The following ARHGEF9 variants were observed in gnomAD, a reference collection of about 807,000 sequenced individuals.
The protein encoded by ARHGEF9 is rho guanine nucleotide exchange factor 9.
Under a neutral mutation model 41.3 loss-of-function variants are expected in ARHGEF9, and 2 were observed. That is an observed-to-expected ratio of 0.05 (90% confidence interval 0.02 to 0.15). ARHGEF9 has a LOEUF of 0.15. ARHGEF9 is among the 10% of genes least tolerant of loss of function. The pLI is 1.00. For synonymous variants in ARHGEF9, 160 were observed against 154.4 expected (o/e 1.04, Z -0.27); for missense variants, 225 against 424.7 (o/e 0.53, Z 4.13).
At chrX:63,647,313 T>G (rs782232456) in intron 8 of ARHGEF9, among the ~76,000 whole-genome samples, 1 of 112,045 alleles carries the variant, frequency 8.9e-6, no homozygotes, top group African/African-American at 3.2e-5. Flanking sequence ...TGTGCCAGTT[T>G]TCAAAGGGAA....
At chrX:63,642,101 T>C in intron 9 of ARHGEF9, 1 of 111,378 alleles carries the variant, frequency 9.0e-6, no homozygotes, top group Non-Finnish European at 1.9e-5. Flanking sequence ...CTCATATATA[T>C]ATATATGTCT....
intron 1 of ARHGEF9, chrX:63,732,158 C>A (rs1474389720): frequency 8.9e-6 from 1 of 111,918 alleles, no homozygotes; most frequent in African/African-American, 3.3e-5. Context: ...CCCTTGACTG[C>A]CGCATTCAAA....
intron 1 of ARHGEF9, among the ~76,000 whole-genome samples, chrX:63,732,926 G>A (rs782056219): frequency 3.6e-5 from 4 of 111,600 alleles, no homozygotes; most frequent in East Asian, 2.8e-4. Context: ...GATTGTGGCC[G>A]ACCTACTCCG....
In ARHGEF9 at chrX:63,706,404, C is replaced by A. The variant is rs1556402053; in HGVS notation, c.256G>T (p.Val86Leu). Reference protein sequence around the residue: ...EDEVEEGPSDVQNGHLDPNSD... With the variant: ...EDEVEEGPSDLQNGHLDPNSD... ...TTGGGGTCCAGGTGTCCGTTCTGCACATCGCTGGGCCCCTCCTCCACCTCA... is the reference window on the plus strand; with the variant it reads ...TTGGGGTCCAGGTGTCCGTTCTGCAAATCGCTGGGCCCCTCCTCCACCTCA... Residue 86 changes from valine (V) to leucine (L), a missense_variant, in exon 3 of 10, where the codon GTG becomes TTG. Transcript: ENST00000671741. The A allele has an allele frequency of 8.3e-7, 1 of 1,207,210 alleles. No homozygotes were observed. The highest frequency in any genetic ancestry group is 1.7e-5 in the African/African-American group (1 of 57,617).
At chrX:63,745,115 G>A (rs782219453) in intron 1 of ARHGEF9, among the ~76,000 whole-genome samples, 1 of 83,455 alleles carries the variant, frequency 1.2e-5, no homozygotes. Flanking sequence ...ACACTCTGAG[G>A]GGGTGGGGGG....
chrX:63,713,701 TACACACACACAC>T (rs59012226), intron 2 of ARHGEF9, among the ~76,000 whole-genome samples: 1 of 94,290 alleles, frequency 1.1e-5, no homozygotes, highest in East Asian at 3.4e-4. Context: ...CCACTTCACA[TACACACACACAC>T]ACACACACAC....
chrX:63,665,298 C>T (rs2049460588), intron 7 of ARHGEF9, among the ~76,000 whole-genome samples: 1 of 112,538 alleles, frequency 8.9e-6, no homozygotes, highest in African/African-American at 3.2e-5. Flanking sequence ...AGTAAGACCT[C>T]TCCTCTAATG....
chrX:63,650,143 G>C (rs1414322015), intron 8 of ARHGEF9, among the ~76,000 whole-genome samples: 3 of 111,274 alleles, frequency 2.7e-5, no homozygotes, highest in African/African-American at 9.8e-5. Context: ...ATTAAAAATA[G>C]AACTACTATA....
At chrX:63,754,692 G>T (rs1334603454) in intron 1 of ARHGEF9, 7 of 956,381 alleles carry the variant, frequency 7.3e-6, no homozygotes, top group Non-Finnish European at 9.1e-6. Context: ...AAGGAGAGGA[G>T]GAAGTAGGGT....
chrX:63,695,408 T>A (rs1487799060), intron 4 of ARHGEF9, among the ~76,000 whole-genome samples: 1 of 111,966 alleles, frequency 8.9e-6, no homozygotes, highest in Non-Finnish European at 1.9e-5. Flanking sequence ...AGGTTGCTTC[T>A]AATGGTATTC....
In ARHGEF9 at chrX:63,730,211, G is replaced by T. The variant is rs73627858; in HGVS notation, c.31-5500C>A. On this transcript the variant is annotated intron_variant, in intron 1 of 9. Coordinates refer to ENST00000671741, the MANE Select transcript of ARHGEF9 (RefSeq NM_001353921.2). ...TTATAAAGGGAAGGACGAAGCAAGAGAAGCTTATACTTGTAGAAAACATAT... is the reference window on the plus strand; with the variant it reads ...TTATAAAGGGAAGGACGAAGCAAGATAAGCTTATACTTGTAGAAAACATAT... 2.1e-3 allele frequency among the ~76,000 whole-genome samples: 240 copies of T among 112,234 alleles called. 1 individual carries two copies. The highest frequency in any genetic ancestry group is 7.5e-3 in the African/African-American group (232 of 30,923).
chrX:63,724,391 ATGAG>A, intron 2 of ARHGEF9, 137 bp downstream of exon 2: 2 of 649,726 alleles, frequency 3.1e-6, no homozygotes, highest in South Asian at 5.5e-5. Context: ...GGTTCTCTGT[ATGAG>A]ACAATTTTAA....
At chrX:63,710,892 C>T (rs1424754085) in intron 2 of ARHGEF9, among the ~76,000 whole-genome samples, 10 of 110,465 alleles carry the variant, frequency 9.1e-5, no homozygotes, top group Admixed American at 2.9e-4. Context: ...AAAACTATCT[C>T]TAGTCACAGA....
chrX:63,759,721 G>GC (rs1464360986), intron 1 of ARHGEF9, among the ~76,000 whole-genome samples: 1 of 112,126 alleles, frequency 8.9e-6, no homozygotes, highest in African/African-American at 3.2e-5. Context: ...ACTGTTTGAA[G>GC]CCCTGTACAT....
At chrX:63,718,570 GT>G (rs372057671) in intron 2 of ARHGEF9, among the ~76,000 whole-genome samples, 23 of 111,296 alleles carry the variant, frequency 2.1e-4, no homozygotes, top group African/African-American at 7.5e-4. Context: ...AGCCAACCAG[GT>G]TACAAATCCA....
chrX:63,744,950 T>G (rs2055176329), intron 1 of ARHGEF9, among the ~76,000 whole-genome samples: 1 of 111,779 alleles, frequency 8.9e-6, no homozygotes, highest in Non-Finnish European at 1.9e-5. Flanking sequence ...CTCCTAGAGA[T>G]GCCTAGCTCC....
At chrX:63,659,440 T>C (rs2049078648) in intron 7 of ARHGEF9, among the ~76,000 whole-genome samples, 1 of 112,136 alleles carries the variant, frequency 8.9e-6, no homozygotes, top group African/African-American at 3.2e-5. Flanking sequence ...CCTTTTTCCT[T>C]GTGCTCGTCT....
chrX:63,706,470 A>C, intron 2 of ARHGEF9, 21 bp from the exon 3 acceptor site: 1 of 1,192,680 alleles, frequency 8.4e-7, no homozygotes, highest in African/African-American at 1.7e-5. Context: ...AGGCAAAAGA[A>C]AAATAATGAG....
At chrX:63,744,232 G>T (rs782074239) in intron 1 of ARHGEF9, among the ~76,000 whole-genome samples, 2 of 112,515 alleles carry the variant, frequency 1.8e-5, no homozygotes, top group South Asian at 7.4e-4. Flanking sequence ...CAAACTCCTA[G>T]TTCTGTGACA....
Sources: gnomAD v4.1 joint callset for allele counts (sites outside exome capture counted in the v4.1 genomes callset) on GRCh38, gnomAD v4.1.1 for gene constraint, MANE v1.5 for transcripts, NCBI Gene and HGNC (gene_info 2026-07-23, HGNC 2026-07-21) for gene names.